The following CACNA2D3 variants were observed in gnomAD, a reference collection of about 807,000 sequenced individuals.
The protein encoded by CACNA2D3 is calcium voltage-gated channel auxiliary subunit alpha2delta 3.
CACNA2D3 carries 60 observed loss-of-function variants against 160.6 expected under a neutral mutation model. That is an observed-to-expected ratio of 0.37 (90% CI 0.30 to 0.46). CACNA2D3 has a LOEUF of 0.46. CACNA2D3 is among the 20% of genes least tolerant of loss of function. CACNA2D3 has a pLI of 1.00. For synonymous variants in CACNA2D3, 558 were observed against 492.9 expected, an observed-to-expected ratio of 1.13 and a Z score of -1.75; for missense variants, 1,205 against 1,365.0, an observed-to-expected ratio of 0.88 and a Z score of 1.85.
At chr3:54,581,108 G>A (rs1702668951) in intron 8 of CACNA2D3, among the ~76,000 whole-genome samples, 1 of 152,176 alleles carries the variant, frequency 6.6e-6, no homozygotes, top group Admixed American at 6.5e-5. Context: ...AACACGATCA[G>A]ATGTGTAAGG....
intron 12 of CACNA2D3, among the ~76,000 whole-genome samples, chr3:54,759,187 G>A (rs1264660847): frequency 6.6e-6 from 1 of 152,168 alleles, no homozygotes; most frequent in Non-Finnish European, 1.5e-5. Context: ...ATTTGTAATA[G>A]GTGGCTAACT....
chr3:54,582,781 G>A (rs1368599433), intron 9 of CACNA2D3, among the ~76,000 whole-genome samples: 1 of 152,206 alleles, frequency 6.6e-6, no homozygotes, highest in Non-Finnish European at 1.5e-5. Context: ...CTCGTATTGT[G>A]TTGGTGCTAT....
intron 4 of CACNA2D3, among the ~76,000 whole-genome samples, chr3:54,449,303 T>C (rs1700268961): frequency 2.0e-5 from 3 of 152,222 alleles, no homozygotes. Context: ...AAGAATTGGC[T>C]AAATACAGGA....
chr3:54,689,140 G>C (rs1388073088), intron 11 of CACNA2D3, among the ~76,000 whole-genome samples: 1 of 152,026 alleles, frequency 6.6e-6, no homozygotes, highest in Non-Finnish European at 1.5e-5. Flanking sequence ...TTCATTTTCA[G>C]TGTTTCTTCT....
intron 2 of CACNA2D3, among the ~76,000 whole-genome samples, chr3:54,306,647 G>C (rs1703609118): frequency 1.3e-5 from 2 of 152,138 alleles, no homozygotes; most frequent in Non-Finnish European, 2.9e-5. Flanking sequence ...GTCCCTTATT[G>C]GCCCTGGCTG....
intron 13 of CACNA2D3, among the ~76,000 whole-genome samples, chr3:54,767,638 A>G (rs992670875): frequency 2.6e-5 from 4 of 152,122 alleles, no homozygotes; most frequent in Non-Finnish European, 5.9e-5. Context: ...CCTTAGAGTA[A>G]TTGCTTATTC....
chr3:54,725,834 T>A (rs1701265145), intron 11 of CACNA2D3, among the ~76,000 whole-genome samples: 1 of 152,138 alleles, frequency 6.6e-6, no homozygotes, highest in African/African-American at 2.4e-5. Context: ...CTGGAAGCAT[T>A]CCCTTGGACA....
chr3:54,495,384 G>A (rs547060925), intron 4 of CACNA2D3, among the ~76,000 whole-genome samples: 14 of 152,118 alleles, frequency 9.2e-5, no homozygotes, highest in African/African-American at 2.9e-4. Context: ...GGAAAAATGC[G>A]CAGTTCTTTA....
In CACNA2D3 at chr3:54,993,028, A is replaced by G. The variant is rs186097189; in HGVS notation, c.2690+5275A>G. On this transcript the variant is annotated intron_variant, in intron 31 of 37. Coordinates refer to ENST00000474759, the MANE Select transcript of CACNA2D3 (RefSeq NM_018398.3). ...GAGATCTCGTGAGCACTCACTCACT[A>G]TCACAAGAGCAGTACCAAGGGGGGA... Among the ~76,000 whole-genome samples, 122 of 152,278 alleles carry G rather than the reference A, an allele frequency of 8.0e-4. 2 individuals carry two copies. The East Asian group carries it at 0.013, about 16-fold the overall frequency.
At chr3:54,806,035 T>C (rs1158793826) in intron 13 of CACNA2D3, among the ~76,000 whole-genome samples, 1 of 152,178 alleles carries the variant, frequency 6.6e-6, no homozygotes, top group African/African-American at 2.4e-5. Context: ...ATAAATTAGG[T>C]ATTGATGAGA....
intron 13 of CACNA2D3, among the ~76,000 whole-genome samples, chr3:54,796,965 A>G (rs1011977720): frequency 1.3e-5 from 2 of 152,258 alleles, no homozygotes; most frequent in East Asian, 3.9e-4. Flanking sequence ...TCTTCTGGAG[A>G]TGCTTCTCCA....
chr3:54,975,112 CAAT>C (rs1702359441), intron 29 of CACNA2D3, among the ~76,000 whole-genome samples: 1 of 152,148 alleles, frequency 6.6e-6, no homozygotes, highest in Non-Finnish European at 1.5e-5. Flanking sequence ...CTCTACTTCT[CAAT>C]AATAATTTAA....
chr3:54,611,904 TTA>T (rs1344066364), intron 9 of CACNA2D3, among the ~76,000 whole-genome samples: 2 of 152,246 alleles, frequency 1.3e-5, no homozygotes, highest in Non-Finnish European at 1.5e-5. Context: ...GATGTTTGTT[TTA>T]TCTTTCGAAA....
At chr3:54,811,341 C>T (rs1426579504) in intron 13 of CACNA2D3, among the ~76,000 whole-genome samples, 6 of 151,978 alleles carry the variant, frequency 3.9e-5, no homozygotes, top group South Asian at 4.2e-4. Context: ...CAACCTTGGC[C>T]GCATCTTTTA....
chr3:54,629,566 G>GCT (rs1699189795), intron 10 of CACNA2D3, among the ~76,000 whole-genome samples: 1 of 152,154 alleles, frequency 6.6e-6, no homozygotes, highest in East Asian at 1.9e-4. Flanking sequence ...AGCTCCAAGG[G>GCT]GCTGTTGGCT....
At chr3:54,354,711 G>C (rs1698619760) in intron 3 of CACNA2D3, among the ~76,000 whole-genome samples, 1 of 152,216 alleles carries the variant, frequency 6.6e-6, no homozygotes, top group Non-Finnish European at 1.5e-5. Flanking sequence ...CGAGGCTGGA[G>C]TGTGGGATCT....
Position 54,299,971 on chromosome 3 carries a change from C to T in CACNA2D3, c.205-20471C>T, listed in dbSNP as rs143066552. Among the ~76,000 whole-genome samples the T allele has an allele frequency of 7.7e-3, 1,179 of 152,252 alleles. 12 individuals are homozygous for T. The highest frequency in any genetic ancestry group is 0.025 in the African/African-American group (1,056 of 41,528). ...GTGTAGACCCCCTAACAATGCTGTC[C>T]GACCTCCTTCTCTCTCAGCATTTGC... On this transcript the variant is annotated intron_variant, in intron 2 of 37. Transcript: ENST00000474759.
At chr3:54,843,949 C>T (rs1698876744) in intron 16 of CACNA2D3, among the ~76,000 whole-genome samples, 1 of 152,078 alleles carries the variant, frequency 6.6e-6, no homozygotes, top group Non-Finnish European at 1.5e-5. Context: ...AGAGCAATGG[C>T]CAAGAAGAGA....
At chr3:54,666,527 G>A (rs1700072183) in intron 11 of CACNA2D3, among the ~76,000 whole-genome samples, 1 of 152,170 alleles carries the variant, frequency 6.6e-6, no homozygotes, top group African/African-American at 2.4e-5. Context: ...TGCTCTGTGT[G>A]CAGAGATCTA....
Sources: allele counts gnomAD v4.1 joint callset (sites outside exome capture counted in the v4.1 genomes callset), GRCh38; gene constraint gnomAD v4.1.1; transcripts MANE v1.5; gene names NCBI Gene and HGNC (gene_info 2026-07-23, HGNC 2026-07-21).